INSYN2B: variants seen among roughly 807,000 people sequenced by gnomAD.
INSYN2B encodes the protein protein INSYN2B.
Under a neutral mutation model 41.2 loss-of-function variants are expected in INSYN2B, and 16 were observed. The observed-to-expected ratio is 0.39, with a 90% CI of 0.26 to 0.59. The LOEUF (loss-of-function observed/expected upper bound fraction) is 0.59. Ranked by LOEUF, INSYN2B falls within the 20% of genes least tolerant of loss-of-function variation. INSYN2B has a pLI of 0.57. For missense variants in INSYN2B, 608 were observed against 646.4 expected (o/e 0.94, Z 0.64); for synonymous variants, 245 against 244.4 (o/e 1.00, Z -0.02).
chr5:169,967,952 G>A (rs1252203151), intron 1 of INSYN2B, among the ~76,000 whole-genome samples: 1 of 152,190 alleles, frequency 6.6e-6, no homozygotes, highest in Non-Finnish European at 1.5e-5. Context: ...TTCTGAGAAG[G>A]AGCACATGGG....
At chr5:169,920,013 G>T (rs1279131485) in intron 1 of INSYN2B, among the ~76,000 whole-genome samples, 1 of 152,128 alleles carries the variant, frequency 6.6e-6, no homozygotes, top group East Asian at 1.9e-4. Flanking sequence ...GTTGAATATA[G>T]AACCCAGCAC....
intron 1 of INSYN2B, among the ~76,000 whole-genome samples, chr5:169,935,239 G>A (rs1332732078): frequency 6.6e-6 from 1 of 152,192 alleles, no homozygotes; most frequent in Non-Finnish European, 1.5e-5. Flanking sequence ...ACTGTTTGCT[G>A]TGAGTCACTG....
chr5:169,975,453 C>T (rs774791699), intron 1 of INSYN2B, among the ~76,000 whole-genome samples: 6 of 152,172 alleles, frequency 3.9e-5, no homozygotes, highest in Non-Finnish European at 7.3e-5. Context: ...CAGACTGCTG[C>T]CTGTCTCTCT....
chr5:169,875,112 T>G, intron 3 of INSYN2B: 1 of 430,404 alleles, frequency 2.3e-6, no homozygotes, highest in South Asian at 1.7e-5. Context: ...CAAGTATTTT[T>G]TATTCATGGG....
chr5:169,947,302 G>C (rs1776488780), intron 1 of INSYN2B, among the ~76,000 whole-genome samples: 1 of 152,206 alleles, frequency 6.6e-6, no homozygotes, highest in Non-Finnish European at 1.5e-5. Context: ...AGAGGAGATG[G>C]GTCTTGGAAT....
chr5:169,868,888 AC>A, intron 3 of INSYN2B, among the ~76,000 whole-genome samples: 1 of 152,326 alleles, frequency 6.6e-6, no homozygotes, highest in African/African-American at 2.4e-5. Context: ...GCCCAGCCCA[AC>A]ATAGAGGATG....
chr5:169,922,366 A>G (rs571814978), intron 1 of INSYN2B, among the ~76,000 whole-genome samples: 32 of 152,356 alleles, frequency 2.1e-4, no homozygotes, highest in Middle Eastern at 6.8e-3. Context: ...TAATACATAA[A>G]AATAATGTAA....
intron 1 of INSYN2B, among the ~76,000 whole-genome samples, chr5:169,903,675 C>A (rs113163634): frequency 1.3e-5 from 2 of 151,932 alleles, no homozygotes; most frequent in Middle Eastern, 3.4e-3. Flanking sequence ...TTCAGACTTC[C>A]TAGAGGGTCG....
At chr5:169,888,260 A>T (rs1218968276) in intron 1 of INSYN2B, among the ~76,000 whole-genome samples, 5 of 152,170 alleles carry the variant, frequency 3.3e-5, no homozygotes, top group African/African-American at 1.2e-4. Context: ...CTTAAGTCTT[A>T]TGGGCTCCCA....
chr5:169,891,468 G>A (rs1484523289), intron 1 of INSYN2B, among the ~76,000 whole-genome samples: 2 of 152,150 alleles, frequency 1.3e-5, no homozygotes, highest in Non-Finnish European at 2.9e-5. Flanking sequence ...CTTATTTAAC[G>A]ATTTTCAAAA....
rs1475247842 is a variant in INSYN2B at position 169,862,397 on chromosome 5, A to G, written c.*1876T>C. On this transcript the variant is annotated 3_prime_UTR_variant, in exon 4 of 4. Coordinates refer to ENST00000377365, the MANE Select transcript of INSYN2B (RefSeq NM_001129891.3). ...CAAATTAAGATGGAAGCTCTACTACAAGATAAAATTACATAAGAGGTCCCA... is the reference window on the plus strand; with the variant it reads ...CAAATTAAGATGGAAGCTCTACTACGAGATAAAATTACATAAGAGGTCCCA... Among the ~76,000 whole-genome samples, 1 of 152,206 alleles carries G rather than the reference A, an allele frequency of 6.6e-6. No individual in the cohort carries two copies. The highest frequency in any genetic ancestry group is 1.5e-5 in the Non-Finnish European group (1 of 68,036).
Position 169,883,794 on chromosome 5 carries a change from C to T in INSYN2B, c.105G>A (p.Gln35=), listed in dbSNP as rs748782785. The change falls in exon 2 of 4, where the codon CAG becomes CAA. Residue 35 remains glutamine (Q), a synonymous_variant. Coordinates refer to ENST00000377365, the MANE Select transcript of INSYN2B (RefSeq NM_001129891.3). The part of the protein sequence containing the change: ...KQPHHRRSKS[Q]QVRFKEDGTT... ...TCCCATCTTCCTTGAATCTCACCTGCTGGGATTTGCTCCTGCGGTGGTGAG... is the reference window on the plus strand; with the variant it reads ...TCCCATCTTCCTTGAATCTCACCTGTTGGGATTTGCTCCTGCGGTGGTGAG... 1.4e-5 allele frequency: 21 copies of T among 1,551,588 alleles called. No homozygotes were observed. Among genetic ancestry groups the T allele is most frequent in the Non-Finnish European group, 1.8e-5 (21 of 1,146,914 alleles).
chr5:169,906,723 T>C (rs1257759604), intron 1 of INSYN2B, among the ~76,000 whole-genome samples: 4 of 152,196 alleles, frequency 2.6e-5, no homozygotes, highest in African/African-American at 9.7e-5. Flanking sequence ...GCCCATTATC[T>C]TTCTGCCAAA....
At chr5:169,957,378 AG>A (rs908378281) in intron 1 of INSYN2B, among the ~76,000 whole-genome samples, 2 of 152,262 alleles carry the variant, frequency 1.3e-5, no homozygotes, top group African/African-American at 4.8e-5. Flanking sequence ...CAAAGTACTT[AG>A]CACATTGTTT....
intron 1 of INSYN2B, among the ~76,000 whole-genome samples, chr5:169,919,004 G>T (rs1405672464): frequency 6.6e-6 from 1 of 152,160 alleles, no homozygotes; most frequent in Non-Finnish European, 1.5e-5. Context: ...CCAGTAACAA[G>T]GGTTATGTTG....
At chr5:169,955,919 C>G (rs1258120971) in intron 1 of INSYN2B, among the ~76,000 whole-genome samples, 2 of 151,942 alleles carry the variant, frequency 1.3e-5, no homozygotes, top group Admixed American at 1.3e-4. Flanking sequence ...CAGAACAAGC[C>G]AAGTGTGCTT....
intron 1 of INSYN2B, among the ~76,000 whole-genome samples, chr5:169,920,309 T>C (rs1430194969): frequency 6.6e-6 from 1 of 152,196 alleles, no homozygotes; most frequent in African/African-American, 2.4e-5. Context: ...TTATGTAAGA[T>C]GTAATTATAT....
At chr5:169,930,183 G>T (rs1366521854) in intron 1 of INSYN2B, among the ~76,000 whole-genome samples, 1 of 152,048 alleles carries the variant, frequency 6.6e-6, no homozygotes, top group African/African-American at 2.4e-5. Flanking sequence ...TAGAGATGGG[G>T]GTTTCACCAT....
chr5:169,883,373 T>C lies in INSYN2B; in HGVS notation c.526A>G (p.Lys176Glu). ...VSHAFLPRVP[K>E]VQSNGPVSIC... Reference sequence around the variant, plus strand: ...CTAACAGGACCATTGCTTTGCACCTTGGGGACCCTTGGGAGGAATGCATGG... The same window carrying C: ...CTAACAGGACCATTGCTTTGCACCTCGGGGACCCTTGGGAGGAATGCATGG... The change falls in exon 2 of 4, where the codon AAG (lysine) becomes GAG (glutamate). Residue 176 changes from lysine (K) to glutamate (E), a missense_variant. Coordinates refer to ENST00000377365, the MANE Select transcript of INSYN2B (RefSeq NM_001129891.3). The C allele has an allele frequency of 6.4e-7, 1 of 1,551,684 alleles. No individual in the cohort carries two copies. The highest frequency in any genetic ancestry group is 8.7e-7 in the Non-Finnish European group (1 of 1,146,970).
Sources: gnomAD v4.1 joint callset for allele counts (sites outside exome capture counted in the v4.1 genomes callset) on GRCh38, gnomAD v4.1.1 for gene constraint, MANE v1.5 for transcripts, NCBI Gene and HGNC (gene_info 2026-07-23, HGNC 2026-07-21) for gene names.